The following KIF2A variants were observed in gnomAD, a reference collection of about 807,000 sequenced individuals.
KIF2A encodes kinesin family member 2A, also known as kinesin-like protein KIF2A.
KIF2A carries 22 observed loss-of-function variants against 100.2 expected under a neutral mutation model. The ratio of observed to expected loss-of-function variants is 0.22; its 90% CI spans 0.16 to 0.31. The LOEUF (loss-of-function observed/expected upper bound fraction) is 0.31, where lower values mean the gene tolerates loss of function less well. Among genes scored for constraint, KIF2A ranks in the 10% least tolerant of loss-of-function variants. The pLI is 1.00. For synonymous variants in KIF2A, 268 were observed against 285.9 expected, an observed-to-expected ratio of 0.94 and a Z score of 0.63; for missense variants, 495 against 898.7, an observed-to-expected ratio of 0.55 and a Z score of 5.74.
chr5:62,373,416 A>G (rs1318150726), intron 17 of KIF2A, among the ~76,000 whole-genome samples: 1 of 151,984 alleles, frequency 6.6e-6, no homozygotes, highest in African/African-American at 2.4e-5. Context: ...TTTTCTTTGA[A>G]TACTGAATCT....
chr5:62,374,004 G>A (rs1580094807), intron 18 of KIF2A, among the ~76,000 whole-genome samples, 167 bp downstream of exon 18: 1 of 152,292 alleles, frequency 6.6e-6, no homozygotes, highest in South Asian at 2.1e-4. Flanking sequence ...TTGAGGCCAG[G>A]AGTTCAAGAC....
intron 1 of KIF2A, among the ~76,000 whole-genome samples, chr5:62,317,330 G>A (rs561302829): frequency 7.2e-4 from 109 of 152,328 alleles, no homozygotes; most frequent in Non-Finnish European, 1.2e-3. Flanking sequence ...TTACAGGCGT[G>A]AGCCACAGTG....
intron 1 of KIF2A, among the ~76,000 whole-genome samples, chr5:62,334,938 T>C (rs1416339666): frequency 6.6e-6 from 1 of 152,164 alleles, no homozygotes; most frequent in Non-Finnish European, 1.5e-5. Context: ...CACTGGCCGA[T>C]GAGTGACTTC....
rs1335192785 is a variant in KIF2A, at chr5:62,389,051, A to G, written c.*3482A>G. The G allele has an allele frequency of 6.2e-7, 1 of 1,601,400 alleles. No homozygotes were observed. The highest frequency in any genetic ancestry group is 1.7e-5 in the Admixed American group (1 of 58,480). ...CCTTCTGCGTTGAATCCATGTAGCA[A>G]TCTGAAAAAAGAAATCAAAATGGAA... is the stretch of plus-strand genomic sequence containing the variant. On this transcript the variant is annotated 3_prime_UTR_variant, in exon 21 of 21. Coordinates refer to ENST00000407818, the MANE Select transcript of KIF2A (RefSeq NM_001098511.3).
intron 1 of KIF2A, among the ~76,000 whole-genome samples, chr5:62,319,259 C>G (rs1745985815): frequency 6.6e-6 from 1 of 152,226 alleles, no homozygotes. Flanking sequence ...GTTTGACCCT[C>G]TGATCACAGG....
At chr5:62,375,913 ACTAAGAGTT>A (rs1374881139) in intron 18 of KIF2A, among the ~76,000 whole-genome samples, 1 of 152,200 alleles carries the variant, frequency 6.6e-6, no homozygotes, top group Non-Finnish European at 1.5e-5. Flanking sequence ...CCTGGTTCAA[ACTAAGAGTT>A]CTAAACTTTG....
chr5:62,382,704 G>T (rs1294521834), intron 20 of KIF2A, among the ~76,000 whole-genome samples: 8 of 147,690 alleles, frequency 5.4e-5, no homozygotes, highest in African/African-American at 2.0e-4. Context: ...CACGATCTCA[G>T]CTCAATGCAA....
chr5:62,384,449 T>C (rs532879165), intron 20 of KIF2A, among the ~76,000 whole-genome samples: 2 of 152,328 alleles, frequency 1.3e-5, no homozygotes, highest in South Asian at 4.1e-4. Context: ...GCTAGGCCTT[T>C]CTTTGTTGAG....
chr5:62,367,989 T>C (rs1460734110), intron 16 of KIF2A, among the ~76,000 whole-genome samples: 2 of 152,216 alleles, frequency 1.3e-5, no homozygotes, highest in Non-Finnish European at 2.9e-5. Flanking sequence ...TTTGTTTTAA[T>C]CACTATGGAA....
intron 1 of KIF2A, among the ~76,000 whole-genome samples, chr5:62,345,884 A>G (rs982651136): frequency 3.3e-5 from 5 of 152,172 alleles, no homozygotes; most frequent in African/African-American, 1.2e-4. Context: ...CTACTTGAGT[A>G]ACAACCAGAT....
chr5:62,325,594 A>AC (rs1438560229), intron 1 of KIF2A, among the ~76,000 whole-genome samples: 1 of 152,186 alleles, frequency 6.6e-6, no homozygotes, highest in Non-Finnish European at 1.5e-5. Context: ...GCAACAAGAC[A>AC]CCATCTCACA....
At chr5:62,365,584 T>C (rs1229903207) in intron 15 of KIF2A, among the ~76,000 whole-genome samples, 1 of 152,110 alleles carries the variant, frequency 6.6e-6, no homozygotes, top group Non-Finnish European at 1.5e-5. Flanking sequence ...GATTTTCTTT[T>C]TCTTTTTCTT....
chr5:62,362,389 T>A, intron 11 of KIF2A, 61 bp from the exon 12 acceptor site: 1 of 730,422 alleles, frequency 1.4e-6, no homozygotes, highest in Non-Finnish European at 2.1e-6. Context: ...ATAGAAAATT[T>A]GAGTTGCTTT....
chr5:62,366,292 T>G (rs976843898), intron 15 of KIF2A, 122 bp from the exon 16 acceptor site: 9 of 667,738 alleles, frequency 1.3e-5, no homozygotes, highest in Middle Eastern at 4.0e-4. Flanking sequence ...TGAGATATCA[T>G]TAATAAGTCT....
intron 1 of KIF2A, among the ~76,000 whole-genome samples, chr5:62,310,616 C>T (rs1745513240): frequency 6.6e-6 from 1 of 151,080 alleles, no homozygotes; most frequent in Non-Finnish European, 1.5e-5. Context: ...GGAACTACAG[C>T]GTTAATTGAA....
intron 1 of KIF2A, among the ~76,000 whole-genome samples, chr5:62,331,104 G>A (rs568891855): frequency 6.6e-6 from 1 of 152,022 alleles, no homozygotes; most frequent in Non-Finnish European, 1.5e-5. Context: ...TACATATTTA[G>A]GTTTTGAAAT....
chr5:62,364,257 C>T (rs1740953603), intron 14 of KIF2A, among the ~76,000 whole-genome samples: 1 of 152,138 alleles, frequency 6.6e-6, no homozygotes, highest in Non-Finnish European at 1.5e-5. Context: ...AAGCCATTCT[C>T]CTGCCTCAGC....
At chr5:62,384,530 C>CCACA (rs1420451754) in intron 20 of KIF2A, among the ~76,000 whole-genome samples, 1 of 152,132 alleles carries the variant, frequency 6.6e-6, no homozygotes, top group East Asian at 1.9e-4. Flanking sequence ...GACAGTAGCA[C>CCACA]CACACCAGTT....
intron 1 of KIF2A, among the ~76,000 whole-genome samples, chr5:62,330,878 C>T (rs1304263153): frequency 6.6e-6 from 1 of 152,010 alleles, no homozygotes; most frequent in Non-Finnish European, 1.5e-5. Context: ...ACATATGAAT[C>T]ACCGGTGACT....
Sources: gnomAD v4.1 joint callset for allele counts (sites outside exome capture counted in the v4.1 genomes callset) on GRCh38, gnomAD v4.1.1 for gene constraint, MANE v1.5 for transcripts, NCBI Gene and HGNC (gene_info 2026-07-23, HGNC 2026-07-21) for gene names.